PAPPA: variants seen among roughly 807,000 people sequenced by gnomAD.
PAPPA encodes the protein pappalysin-1.
A neutral mutation model predicts 164.0 loss-of-function variants in PAPPA; 60 were observed. The observed-to-expected ratio is 0.37, with a 90% confidence interval of 0.30 to 0.45. PAPPA has a LOEUF of 0.45. PAPPA is among the 20% of genes least tolerant of loss of function. The pLI, the probability that PAPPA is intolerant of heterozygous loss-of-function variation, is 1.00. For synonymous variants in PAPPA, 875 were observed against 814.1 expected (o/e 1.07, Z -1.27); for missense variants, 1,782 against 2,087.3 (o/e 0.85, Z 2.85).
At chr9:116,178,371 G>A (rs1843862074) in intron 1 of PAPPA, among the ~76,000 whole-genome samples, 1 of 152,124 alleles carries the variant, frequency 6.6e-6, no homozygotes, top group African/African-American at 2.4e-5. Context: ...GCCTCCCAAA[G>A]TGCAGGGATT....
At chr9:116,372,446 C>T (rs1205056127) in intron 19 of PAPPA, among the ~76,000 whole-genome samples, 3 of 152,072 alleles carry the variant, frequency 2.0e-5, no homozygotes, top group East Asian at 3.9e-4. Context: ...GTATGCCAAA[C>T]AAAACATTTC....
At chr9:116,217,002 A>T (rs1844381788) in intron 4 of PAPPA, among the ~76,000 whole-genome samples, 1 of 152,164 alleles carries the variant, frequency 6.6e-6, no homozygotes, top group Non-Finnish European at 1.5e-5. Context: ...GGCCTCCCAA[A>T]GTGCAGGGAT....
chr9:116,237,567 C>A (rs113981201), intron 7 of PAPPA, among the ~76,000 whole-genome samples: 1 of 152,070 alleles, frequency 6.6e-6, no homozygotes, highest in African/African-American at 2.4e-5. Context: ...ATGAAAGAAC[C>A]CTTAGTGATT....
chr9:116,336,798 C>G (rs1309201783), intron 13 of PAPPA, among the ~76,000 whole-genome samples: 1 of 152,050 alleles, frequency 6.6e-6, no homozygotes, highest in Non-Finnish European at 1.5e-5. Context: ...CCTCAGTTTC[C>G]CCATCTTTAA....
At chr9:116,335,440 C>T (rs887606363) in intron 13 of PAPPA, among the ~76,000 whole-genome samples, 2 of 152,088 alleles carry the variant, frequency 1.3e-5, no homozygotes. Flanking sequence ...GAATATTCTG[C>T]TTCCCGTGGC....
intron 9 of PAPPA, among the ~76,000 whole-genome samples, chr9:116,280,016 A>T (rs971518833): frequency 6.6e-6 from 1 of 152,186 alleles, no homozygotes; most frequent in African/African-American, 2.4e-5. Flanking sequence ...AAATAAAATG[A>T]TGGATGGGCA....
chr9:116,173,505 A>C (rs1393999224), intron 1 of PAPPA, among the ~76,000 whole-genome samples: 7 of 152,184 alleles, frequency 4.6e-5, no homozygotes, highest in Non-Finnish European at 1.0e-4. Flanking sequence ...CCAAAGATTC[A>C]TTCTTTTCTA....
intron 7 of PAPPA, among the ~76,000 whole-genome samples, chr9:116,250,013 ATGTGTGTGTGTGTGTG>A (rs67162181): frequency 2.1e-5 from 3 of 143,644 alleles, no homozygotes; most frequent in African/African-American, 5.3e-5. Flanking sequence ...GTACCTGCAT[ATGTGTGTGTGTGTGTG>A]TGTGTGTGTG....
In PAPPA at chr9:116,347,010, C is replaced by T. The variant is rs373113310; in HGVS notation, c.3781-16C>T. 47 of 1,603,522 alleles carry T rather than the reference C, an allele frequency of 2.9e-5. No individual in the cohort carries two copies. In the Middle Eastern group the frequency reaches 1.2e-3, roughly 40 times the overall value. On this transcript the variant is annotated splice_polypyrimidine_tract_variant and intron_variant, in intron 14 of 21. Coordinates refer to ENST00000328252, the MANE Select transcript of PAPPA (RefSeq NM_002581.5). The surrounding 1 kb of genome is among the most constrained non-coding windows in gnomAD (Gnocchi z 4.5). ...TCAGTCTGCCACTCCTCACTATGCA[C>T]GACTCTGCCTTTCAGACGGGACCCA... is the stretch of plus-strand genomic sequence containing the variant.
intron 7 of PAPPA, among the ~76,000 whole-genome samples, 159 bp downstream of exon 7, chr9:116,235,796 C>A (rs1844657733): frequency 6.6e-6 from 1 of 151,168 alleles, no homozygotes; most frequent in African/African-American, 2.4e-5. Context: ...CTTAACATGG[C>A]AGAGTTGATA....
chr9:116,229,779 G>A (rs571723928), intron 6 of PAPPA, among the ~76,000 whole-genome samples: 1 of 152,318 alleles, frequency 6.6e-6, no homozygotes, highest in African/African-American at 2.4e-5. Flanking sequence ...CAAGGTGACT[G>A]TTGCCAAAAT....
At chr9:116,325,417 G>A (rs962589037) in intron 10 of PAPPA, among the ~76,000 whole-genome samples, 2 of 152,176 alleles carry the variant, frequency 1.3e-5, no homozygotes, top group Admixed American at 1.3e-4. Context: ...ACTGCAGAGG[G>A]GGAATCGGAG....
intron 9 of PAPPA, among the ~76,000 whole-genome samples, chr9:116,279,506 G>A (rs906113697): frequency 3.3e-5 from 5 of 151,976 alleles, no homozygotes; most frequent in Admixed American, 1.3e-4. Flanking sequence ...GGCCTCTGAC[G>A]CCAGAAGGGA....
At chr9:116,264,337 T>C (rs1374947236) in intron 7 of PAPPA, among the ~76,000 whole-genome samples, 1 of 152,252 alleles carries the variant, frequency 6.6e-6, no homozygotes, top group African/African-American at 2.4e-5. Context: ...GATATTGGTA[T>C]GTCCACCTAT....
chr9:116,292,395 G>T lies in PAPPA; in HGVS notation c.2954-10362G>T, dbSNP rs572410113. 5.9e-5 allele frequency among the ~76,000 whole-genome samples: 9 copies of T among 152,290 alleles called. No homozygotes were observed. In the South Asian group the frequency reaches 1.9e-3, roughly 32 times the overall value. ...GCAGCAGTGATGTTGGCTTGAACTA[G>T]GGTGGTAATGATAGAACAAATTAGA... On this transcript the variant is annotated intron_variant, in intron 9 of 21. Coordinates refer to ENST00000328252, the MANE Select transcript of PAPPA (RefSeq NM_002581.5).
chr9:116,292,229 C>T (rs1034825146), intron 9 of PAPPA, among the ~76,000 whole-genome samples: 1 of 152,034 alleles, frequency 6.6e-6, no homozygotes, highest in Admixed American at 6.6e-5. Flanking sequence ...AGATGTTAAG[C>T]CATTGAGGAG....
intron 19 of PAPPA, among the ~76,000 whole-genome samples, chr9:116,374,837 A>G (rs1196161300): frequency 6.6e-6 from 1 of 152,244 alleles, no homozygotes; most frequent in African/African-American, 2.4e-5. Context: ...AAGAGAATGA[A>G]AGCAGGTGAT....
chr9:116,177,319 A>C (rs1843848960), intron 1 of PAPPA, among the ~76,000 whole-genome samples: 1 of 152,298 alleles, frequency 6.6e-6, no homozygotes, highest in East Asian at 1.9e-4. Flanking sequence ...CAGACTGTCC[A>C]CTGTGCTTTC....
At chr9:116,287,063 C>G (rs1845348653) in intron 9 of PAPPA, 1 of 152,170 alleles carries the variant, frequency 6.6e-6, no homozygotes, top group South Asian at 2.1e-4. Flanking sequence ...TCCTGAATAT[C>G]CACATCCATT....
Sources: gnomAD v4.1 joint callset for allele counts (sites outside exome capture counted in the v4.1 genomes callset) on GRCh38, gnomAD v4.1.1 for gene constraint, Gnocchi (gnomAD v3.1) non-coding constraint, MANE v1.5 for transcripts, NCBI Gene and HGNC (gene_info 2026-07-23, HGNC 2026-07-21) for gene names.